The following SLAIN2 variants were observed in gnomAD, a reference collection of about 807,000 sequenced individuals.
SLAIN2 encodes SLAIN motif-containing protein 2.
A neutral mutation model predicts 56.6 loss-of-function variants in SLAIN2; 31 were observed. The ratio of observed to expected loss-of-function variants is 0.55; its 90% CI spans 0.41 to 0.74. SLAIN2 has a LOEUF of 0.74. Among genes scored for constraint, SLAIN2 ranks in the 30% least tolerant of loss-of-function variants. The pLI, the probability that SLAIN2 is intolerant of heterozygous loss-of-function variation, is 0.00. For synonymous variants in SLAIN2, 317 were observed against 284.9 expected, an observed-to-expected ratio of 1.11 and a Z score of -1.13; for missense variants, 777 against 754.2, an observed-to-expected ratio of 1.03 and a Z score of -0.35.
chr4:48,377,962 C>T lies in SLAIN2; in HGVS notation c.605C>T (p.Pro202Leu), dbSNP rs199579219. ...ATGAGTTACACCAGTCCTTACAGTC[C>T]AAATGCCAGTAGCCCATACAGCAGT... ...NSMSYTSPYS[P>L]NASSPYSSGF... The change falls in exon 3 of 8, where the codon CCA becomes CTA. Residue 202 changes from proline (P) to leucine (L), a missense_variant. By Grantham distance (98) the Pro-to-Leu change is moderately conservative. Coordinates refer to ENST00000264313, the MANE Select transcript of SLAIN2 (RefSeq NM_020846.2). The T allele has an allele frequency of 2.3e-5, 37 of 1,613,780 alleles. No homozygotes were observed. The highest frequency in any genetic ancestry group is 3.1e-5 in the Non-Finnish European group (36 of 1,179,862).
chr4:48,348,614 C>T (rs779268599), intron 1 of SLAIN2, among the ~76,000 whole-genome samples: 6 of 149,008 alleles, frequency 4.0e-5, no homozygotes, highest in Admixed American at 1.4e-4. Context: ...TGCTTGAATC[C>T]GGGAGGCAGA....
At chr4:48,397,574 G>A (rs1290021083) in intron 6 of SLAIN2, among the ~76,000 whole-genome samples, 2 of 152,118 alleles carry the variant, frequency 1.3e-5, no homozygotes, top group African/African-American at 4.8e-5. Context: ...GTAAATGTGT[G>A]CCCTGGTGGT....
At chr4:48,377,852 T>C (rs778003192) in intron 2 of SLAIN2, 44 bp from the exon 3 acceptor site, 1 of 1,565,874 alleles carries the variant, frequency 6.4e-7, no homozygotes, top group South Asian at 1.2e-5. Flanking sequence ...ACGTTAACTT[T>C]TTCTCAGTTG....
intron 1 of SLAIN2, among the ~76,000 whole-genome samples, chr4:48,345,133 A>G (rs1714828225): frequency 6.6e-6 from 1 of 152,198 alleles, no homozygotes; most frequent in Admixed American, 6.5e-5. Context: ...TGGCACCAGG[A>G]TTTGAATCCA....
chr4:48,393,385 C>CT (rs200443312), intron 6 of SLAIN2, among the ~76,000 whole-genome samples: 1 of 49,566 alleles, frequency 2.0e-5, no homozygotes, highest in African/African-American at 1.1e-4. Context: ...CCATGTCTGG[C>CT]TTGTGTGTGT....
chr4:48,362,176 AT>A (rs1715343674), intron 1 of SLAIN2, among the ~76,000 whole-genome samples: 1 of 150,608 alleles, frequency 6.6e-6, no homozygotes. Flanking sequence ...ACTGTATATT[AT>A]TTAATAAAAG....
At chr4:48,363,760 C>A in intron 1 of SLAIN2, among the ~76,000 whole-genome samples, 1 of 129,250 alleles carries the variant, frequency 7.7e-6, no homozygotes, top group Non-Finnish European at 1.7e-5. Flanking sequence ...CCCCCCCCAC[C>A]TCCCTCCCGG....
chr4:48,382,484 C>T, intron 4 of SLAIN2, 84 bp from the exon 5 acceptor site: 1 of 1,323,128 alleles, frequency 7.6e-7, no homozygotes, highest in Non-Finnish European at 9.9e-7. Context: ...TTGAATTTTT[C>T]AGTGATAATC....
At chr4:48,346,836 T>C (rs1357516157) in intron 1 of SLAIN2, among the ~76,000 whole-genome samples, 1 of 55,982 alleles carries the variant, frequency 1.8e-5, no homozygotes, top group Non-Finnish European at 3.6e-5. Flanking sequence ...TCTATTTCCC[T>C]TTTTTTTTTT....
intron 1 of SLAIN2, among the ~76,000 whole-genome samples, chr4:48,352,604 T>C (rs372825): frequency 0.58 from 88,225 of 152,004 alleles, 26,196 homozygotes; most frequent in South Asian, 0.71. Context: ...CCCTGGCCAA[T>C]CAAAAATGTC....
At chr4:48,364,735 C>T (rs1478063212) in intron 1 of SLAIN2, among the ~76,000 whole-genome samples, 4 of 137,978 alleles carry the variant, frequency 2.9e-5, no homozygotes, top group Admixed American at 7.1e-5. Context: ...CGTGGCGGCG[C>T]GTGCCTGCAA....
intron 3 of SLAIN2, among the ~76,000 whole-genome samples, 196 bp from the exon 4 acceptor site, chr4:48,379,494 T>C (rs1467931299): frequency 2.0e-5 from 3 of 152,084 alleles, no homozygotes; most frequent in Non-Finnish European, 4.4e-5. Context: ...GTTTATGCCA[T>C]AGCATATAAA....
chr4:48,390,331 G>T (rs1466907513), intron 6 of SLAIN2, among the ~76,000 whole-genome samples: 3 of 151,674 alleles, frequency 2.0e-5, no homozygotes, highest in African/African-American at 7.3e-5. Flanking sequence ...CTCCCGCCTC[G>T]GCCTCCCAAA....
At chr4:48,343,216 T>TA (rs1253036014) in intron 1 of SLAIN2, among the ~76,000 whole-genome samples, 1 of 152,214 alleles carries the variant, frequency 6.6e-6, no homozygotes, top group Non-Finnish European at 1.5e-5. Context: ...TTTTGCCACT[T>TA]ACTAGCAGTA....
At chr4:48,420,510 G>A (rs1459894782) in intron 7 of SLAIN2, 67 bp downstream of exon 7, 3 of 1,532,722 alleles carry the variant, frequency 2.0e-6, no homozygotes, top group Non-Finnish European at 2.7e-6. Flanking sequence ...GAATGAATTA[G>A]CTTCATCCGT....
At chr4:48,368,896 A>G (rs1484473077) in intron 1 of SLAIN2, among the ~76,000 whole-genome samples, 2 of 152,220 alleles carry the variant, frequency 1.3e-5, no homozygotes, top group East Asian at 3.8e-4. Flanking sequence ...TGTTGCCACT[A>G]AAAGTAGTTT....
At chr4:48,405,433 C>A (rs570908639) in intron 6 of SLAIN2, among the ~76,000 whole-genome samples, 2 of 152,004 alleles carry the variant, frequency 1.3e-5, no homozygotes, top group African/African-American at 4.8e-5. Flanking sequence ...CTCTCTCTCT[C>A]ATTGTTTGTT....
intron 2 of SLAIN2, among the ~76,000 whole-genome samples, chr4:48,373,636 T>TAC (rs921946893): frequency 1.3e-5 from 2 of 152,104 alleles, no homozygotes. Context: ...TTTAGTGGTA[T>TAC]ATATATATAA....
In SLAIN2 at chr4:48,341,893, GC is replaced by G; in HGVS notation, c.156del (p.Gly53AlafsTer46). The stretch of plus-strand genomic sequence containing the variant: ...CCTTGGGCCCGGCAGCCCGGTTCGG[GC>G]CGGCGCGTCCATTCCCTCCTCCGGC... The part of the protein sequence containing the change: ...GSLGPGSPVR[A>X]GASIPSSGAA... On this transcript the variant is annotated frameshift_variant, in exon 1 of 8. Transcript: ENST00000264313. LOFTEE classifies it high-confidence loss of function. 6.6e-7 allele frequency: 1 copy of G among 1,513,596 alleles called. No individual in the cohort carries two copies. Among genetic ancestry groups the G allele is most frequent in the Non-Finnish European group, 8.8e-7 (1 of 1,131,996 alleles). 93.8% of individuals were successfully genotyped at this position (1,513,596 alleles called of 1,614,324 possible).
Sources: allele counts gnomAD v4.1 joint callset (sites outside exome capture counted in the v4.1 genomes callset), GRCh38; gene constraint gnomAD v4.1.1; transcripts MANE v1.5; gene names NCBI Gene and HGNC (gene_info 2026-07-23, HGNC 2026-07-21).